EXOC6B: variants seen among roughly 807,000 people sequenced by gnomAD.
EXOC6B encodes SEC15 homolog B.
A neutral mutation model predicts 113.5 loss-of-function variants in EXOC6B; 54 were observed. The observed-to-expected ratio is 0.48, with a 90% confidence interval of 0.38 to 0.60. The LOEUF (loss-of-function observed/expected upper bound fraction) is 0.60. Ranked by LOEUF, EXOC6B falls within the 20% of genes least tolerant of loss-of-function variation. EXOC6B has a pLI of 0.00. For synonymous variants in EXOC6B, 357 were observed against 339.0 expected (o/e 1.05, Z -0.58); for missense variants, 797 against 977.5 (o/e 0.82, Z 2.46).
At chr2:72,500,600 AAC>A (rs869137182) in intron 11 of EXOC6B, among the ~76,000 whole-genome samples, 12 of 81,154 alleles carry the variant, frequency 1.5e-4, no homozygotes, top group Admixed American at 3.2e-4. Flanking sequence ...GAAAATAAAA[AAC>A]ATGAGAAATA....
At chr2:72,741,906 A>C (rs1052636916) in intron 1 of EXOC6B, among the ~76,000 whole-genome samples, 1 of 152,230 alleles carries the variant, frequency 6.6e-6, no homozygotes, top group Non-Finnish European at 1.5e-5. Flanking sequence ...TAGGCAGTCA[A>C]TATCGCTAGA....
intron 18 of EXOC6B, among the ~76,000 whole-genome samples, chr2:72,416,309 T>G (rs1694518321): frequency 6.6e-6 from 1 of 152,216 alleles, no homozygotes; most frequent in Non-Finnish European, 1.5e-5. Context: ...CCCTAACTCC[T>G]TTCCAATTAT....
At chr2:72,408,061 T>C (rs1573052973) in intron 18 of EXOC6B, among the ~76,000 whole-genome samples, 1 of 102,314 alleles carries the variant, frequency 9.8e-6, no homozygotes, top group Non-Finnish European at 1.8e-5. Context: ...ACCATTCTTA[T>C]ACACCAATAA....
At chr2:72,675,912 T>G (rs1256023688) in intron 6 of EXOC6B, among the ~76,000 whole-genome samples, 1 of 152,160 alleles carries the variant, frequency 6.6e-6, no homozygotes, top group Non-Finnish European at 1.5e-5. Context: ...TCCTCTATGT[T>G]CTACTAATAC....
chr2:72,441,504 TAAA>T (rs1198284802), intron 18 of EXOC6B, among the ~76,000 whole-genome samples: 4 of 149,762 alleles, frequency 2.7e-5, no homozygotes, highest in African/African-American at 7.4e-5. Flanking sequence ...ACTAGAATAA[TAAA>T]GAAGAAAAGA....
chr2:72,403,418 G>A (rs988057963), intron 18 of EXOC6B, among the ~76,000 whole-genome samples: 4 of 152,156 alleles, frequency 2.6e-5, no homozygotes, highest in Non-Finnish European at 5.9e-5. Context: ...CCAGTGTGGT[G>A]GCTCATACCT....
At chr2:72,392,658 T>C (rs1692465119) in intron 18 of EXOC6B, among the ~76,000 whole-genome samples, 1 of 152,228 alleles carries the variant, frequency 6.6e-6, no homozygotes, top group African/African-American at 2.4e-5. Flanking sequence ...GTGGCATACA[T>C]TGCAGATAAA....
intron 6 of EXOC6B, among the ~76,000 whole-genome samples, chr2:72,584,519 T>C (rs1000550141): frequency 6.6e-6 from 1 of 152,144 alleles, no homozygotes; most frequent in African/African-American, 2.4e-5. Context: ...TAAAACAAGT[T>C]CTTCTTGACC....
chr2:72,645,866 A>C (rs1673668359), intron 6 of EXOC6B, among the ~76,000 whole-genome samples: 1 of 152,206 alleles, frequency 6.6e-6, no homozygotes, highest in Admixed American at 6.5e-5. Context: ...ACACCCTAAC[A>C]TCACAATTAA....
intron 6 of EXOC6B, among the ~76,000 whole-genome samples, chr2:72,709,481 G>C (rs373649289): frequency 6.6e-6 from 1 of 151,956 alleles, no homozygotes; most frequent in Non-Finnish European, 1.5e-5. Flanking sequence ...AGGGGTCGAG[G>C]GTTGCTGAAA....
intron 7 of EXOC6B, among the ~76,000 whole-genome samples, chr2:72,565,751 T>C (rs1232929622): frequency 1.3e-5 from 2 of 152,180 alleles, no homozygotes; most frequent in African/African-American, 4.8e-5. Context: ...GATATGTTTC[T>C]TATCTATGAG....
intron 7 of EXOC6B, among the ~76,000 whole-genome samples, chr2:72,574,784 G>C (rs933690907): frequency 2.0e-5 from 3 of 152,114 alleles, no homozygotes; most frequent in African/African-American, 7.2e-5. Context: ...TCCAGTTAAT[G>C]CAAATGATAA....
At chr2:72,519,699 A>T (rs1295683058) in intron 8 of EXOC6B, among the ~76,000 whole-genome samples, 2 of 152,172 alleles carry the variant, frequency 1.3e-5, no homozygotes, top group Non-Finnish European at 2.9e-5. Context: ...ACTATCACGA[A>T]TAATGAGAAT....
intron 20 of EXOC6B, among the ~76,000 whole-genome samples, chr2:72,322,777 G>A (rs1475331952): frequency 6.6e-6 from 1 of 152,074 alleles, no homozygotes; most frequent in African/African-American, 2.4e-5. Context: ...TGGGAAAACT[G>A]GCTAGCAATA....
At chr2:72,323,548 C>G (rs558327354) in intron 20 of EXOC6B, among the ~76,000 whole-genome samples, 4 of 151,976 alleles carry the variant, frequency 2.6e-5, no homozygotes, top group Non-Finnish European at 4.4e-5. Context: ...ATGTTTATTG[C>G]GGCACTATTC....
At position 72,253,610 on chromosome 2, in the gene EXOC6B, C is replaced by T. The variant is rs921010786; in HGVS notation, c.2197-69423G>A. Among the ~76,000 whole-genome samples the T allele has an allele frequency of 5.9e-5, 9 of 152,104 alleles. No individual in the cohort carries two copies. The South Asian group carries it at 8.3e-4, about 14-fold the overall frequency. ...AACACAAGAACAGAAAACCAAACAC[C>T]GCATGTTCTCATTTTTATAAGTGGG... On this transcript the variant is annotated intron_variant, in intron 20 of 21. Transcript: ENST00000272427.
At chr2:72,388,947 A>T (rs1692214069) in intron 18 of EXOC6B, among the ~76,000 whole-genome samples, 1 of 152,142 alleles carries the variant, frequency 6.6e-6, no homozygotes, top group Non-Finnish European at 1.5e-5. Context: ...GTCTTTATAC[A>T]TTAGAGTGAT....
chr2:72,745,492 T>G (rs1681636333), intron 1 of EXOC6B, among the ~76,000 whole-genome samples: 1 of 152,048 alleles, frequency 6.6e-6, no homozygotes, highest in Non-Finnish European at 1.5e-5. Context: ...ACACCCATAT[T>G]TAAAACAGGG....
At chr2:72,345,512 C>A (rs913348498) in intron 19 of EXOC6B, among the ~76,000 whole-genome samples, 4 of 151,910 alleles carry the variant, frequency 2.6e-5, no homozygotes, top group Non-Finnish European at 5.9e-5. Flanking sequence ...AAGAAATGGG[C>A]TATCAAGCTA....
Sources: gnomAD v4.1 joint callset for allele counts (sites outside exome capture counted in the v4.1 genomes callset) on GRCh38, gnomAD v4.1.1 for gene constraint, MANE v1.5 for transcripts, NCBI Gene and HGNC (gene_info 2026-07-23, HGNC 2026-07-21) for gene names.